Variants in DGAT1 observed in about 807,000 individuals in gnomAD.
DGAT1 encodes the protein ACAT related gene product 1.
A neutral mutation model predicts 72.6 loss-of-function variants in DGAT1; 60 were observed. That is an observed-to-expected ratio of 0.83 (90% confidence interval 0.67 to 1.02). DGAT1 has a LOEUF of 1.02. DGAT1 is among the 50% of genes least tolerant of loss of function. The probability of loss-of-function intolerance (pLI) is 0.00; values close to 1 mark genes in which losing one functional copy is unlikely to be tolerated. For synonymous variants in DGAT1, 290 were observed against 267.5 expected (o/e 1.08, Z -0.82); for missense variants, 592 against 670.0 (o/e 0.88, Z 1.29).
chr8:144,322,587 A>G (rs1386738814), intron 1 of DGAT1, among the ~76,000 whole-genome samples: 1 of 152,200 alleles, frequency 6.6e-6, no homozygotes, highest in Non-Finnish European at 1.5e-5. Flanking sequence ...GGCAATGCCA[A>G]CAAGCCCAAC....
chr8:144,317,149 G>A (rs782482222), intron 14 of DGAT1, 38 bp downstream of exon 14: 2 of 1,611,186 alleles, frequency 1.2e-6, no homozygotes, highest in Non-Finnish European at 8.5e-7. Context: ...CAGGTTCACA[G>A]CCATGTTCCA....
chr8:144,325,043 A>C (rs1416451074), intron 1 of DGAT1, among the ~76,000 whole-genome samples: 1 of 152,114 alleles, frequency 6.6e-6, no homozygotes, highest in African/African-American at 2.4e-5. Context: ...CAGCCTGGGC[A>C]ACAAGAGCAA....
At chr8:144,319,209 G>C in intron 2 of DGAT1, 141 bp from the exon 3 acceptor site, 1 of 931,440 alleles carries the variant, frequency 1.1e-6, no homozygotes, top group Non-Finnish European at 1.7e-6. Context: ...GCCCTGTCTG[G>C]TCTCCATGCC....
Position 144,314,890 on chromosome 8 carries a change from A to G in DGAT1, c.*1664T>C, listed in dbSNP as rs1298421136. 7 of 986,788 alleles carry G rather than the reference A, an allele frequency of 7.1e-6. No individual in the cohort carries two copies. In the African/African-American group the frequency reaches 1.0e-4, roughly 15 times the overall value. The allele number at this position is 986,788 out of a possible 1,614,324, so 61.1% of individuals were successfully genotyped here. A position where few individuals can be genotyped will look rare whatever the true frequency, so the allele number is the denominator to read the frequency against. ...CTCCCCAGGACCAGCATGTGCTTGC[A>G]GTTCTTTATTGAGGGACCAGGGGTG... On this transcript the variant is annotated 3_prime_UTR_variant, in exon 17 of 17. Coordinates refer to ENST00000528718, the MANE Select transcript of DGAT1 (RefSeq NM_012079.6).
intron 7 of DGAT1, 35 bp from the exon 8 acceptor site, chr8:144,318,204 G>A: frequency 6.2e-7 from 1 of 1,609,586 alleles, no homozygotes; most frequent in Non-Finnish European, 8.5e-7. Context: ...GGGCTGGTGG[G>A]GCCCTGCTGC....
In DGAT1 at chr8:144,314,934, TG is replaced by T. The variant is rs1269188294; in HGVS notation, c.*1619del. On this transcript the variant is annotated 3_prime_UTR_variant, in exon 17 of 17. Transcript: ENST00000528718. ...AGGGGTGGGCGCCTCACCTTGGCCCTGGGGGTCTCTGGTTGTCACAGGACCA... is the reference window on the plus strand; with the variant it reads ...AGGGGTGGGCGCCTCACCTTGGCCCTGGGGTCTCTGGTTGTCACAGGACCA... The T allele has an allele frequency of 1.2e-4, 117 of 985,846 alleles. 1 individual carries two copies. Among genetic ancestry groups the T allele is most frequent in the Non-Finnish European group, 1.4e-4 (113 of 830,388 alleles). 61.1% of individuals were successfully genotyped at this position (985,846 alleles called of 1,614,324 possible).
chr8:144,325,295 G>A (rs1350204817), intron 1 of DGAT1, among the ~76,000 whole-genome samples: 9 of 152,014 alleles, frequency 5.9e-5, no homozygotes, highest in Non-Finnish European at 1.3e-4. Context: ...CTCCGTGCCC[G>A]ACCTTTGTCC....
In DGAT1 at chr8:144,317,955, G is replaced by C; in HGVS notation, c.814C>G (p.Arg272Gly). 6.6e-7 allele frequency: 1 copy of C among 1,519,276 alleles called. No homozygotes were observed. The highest frequency in any genetic ancestry group is 8.8e-7 in the Non-Finnish European group (1 of 1,135,892). The allele number at this position is 1,519,276 out of a possible 1,614,324, so 94.1% of individuals were successfully genotyped here. A position where few individuals can be genotyped will look rare whatever the true frequency, so the allele number is the denominator to read the frequency against. The change falls in exon 9 of 17, where the codon CGC becomes GGC. Residue 272 changes from arginine (R) to glycine (G), a missense_variant. By Grantham distance (125) the Arg-to-Gly change is moderately radical. Transcript: ENST00000528718. ...CYELNFPRSP[R>G]IRKRFLLRRI... ...CGCAGCAGAAAGCGCTTCCGGATGC[G>C]GGGAGAGCGGGGAAAGTTGAGCTCG...
At chr8:144,318,614 G>C (rs911242402) in intron 5 of DGAT1, 48 bp from the exon 6 acceptor site, 7 of 1,605,706 alleles carry the variant, frequency 4.4e-6, no homozygotes, top group Admixed American at 1.7e-5. Context: ...TTGCCTGGGA[G>C]AGGGCTGCCA....
intron 1 of DGAT1, 25 bp downstream of exon 1, chr8:144,326,412 G>A (rs1817593252): frequency 5.8e-6 from 8 of 1,389,444 alleles, no homozygotes; most frequent in East Asian, 3.1e-5. Flanking sequence ...TGGGTCAGAG[G>A]TTAGGGGGTC....
Position 144,318,878 on chromosome 8 carries a change from G to A in DGAT1, c.372C>T (p.Phe124=), listed in dbSNP as rs1309182306. 4 of 1,610,196 alleles carry A rather than the reference G, an allele frequency of 2.5e-6. No homozygotes were observed. In the African/African-American group the frequency reaches 5.4e-5, roughly 22 times the overall value. The stretch of plus-strand genomic sequence containing the variant: ...CGGGCCAGCTATAGGGATCCTTCAG[G>A]AACAGAGAAACCACCTGGATGGGGT... The part of the protein sequence containing the change: ...LVDPIQVVSL[F]LKDPYSWPAP... The change falls in exon 4 of 17, where the codon TTC becomes TTT. Residue 124 remains phenylalanine (F), a synonymous_variant. Coordinates refer to ENST00000528718, the MANE Select transcript of DGAT1 (RefSeq NM_012079.6).
intron 1 of DGAT1, among the ~76,000 whole-genome samples, chr8:144,325,552 G>A (rs1401118340): frequency 1.3e-5 from 2 of 152,216 alleles, no homozygotes; most frequent in East Asian, 1.9e-4. Flanking sequence ...GAGGGCCCCT[G>A]GGCCAGGGTA....
chr8:144,322,461 C>A (rs1342345424), intron 1 of DGAT1, among the ~76,000 whole-genome samples: 1 of 152,144 alleles, frequency 6.6e-6, no homozygotes, highest in Non-Finnish European at 1.5e-5. Flanking sequence ...GCCTGAGAGC[C>A]ATGGCAGGAG....
chr8:144,317,715 G>A lies in DGAT1; in HGVS notation c.895-3C>T, dbSNP rs782369461. 22 of 1,613,640 alleles carry A rather than the reference G, an allele frequency of 1.4e-5. No individual in the cohort carries two copies. In the South Asian group the frequency reaches 2.1e-4, roughly 15 times the overall value. Reference sequence around the variant, plus strand: ...TTCTGGATGGTGGGGACCATCCACTGCAAAGGAGGGCACCACGTCAGCTCC... The same window carrying A: ...TTCTGGATGGTGGGGACCATCCACTACAAAGGAGGGCACCACGTCAGCTCC... On this transcript the variant is annotated splice_polypyrimidine_tract_variant and splice_region_variant and intron_variant, in intron 10 of 16. Coordinates refer to ENST00000528718, the MANE Select transcript of DGAT1 (RefSeq NM_012079.6).
intron 1 of DGAT1, 27 bp downstream of exon 1, chr8:144,326,410 A>G (rs545566040): frequency 1.4e-6 from 2 of 1,388,698 alleles, no homozygotes; most frequent in East Asian, 6.2e-5. Flanking sequence ...CTTGGGTCAG[A>G]GGTTAGGGGG....
chr8:144,326,819 G>A lies in DGAT1; in HGVS notation c.-183C>T, dbSNP rs1186773676. The A allele has an allele frequency of 1.5e-5, 5 of 330,814 alleles. No homozygotes were observed. Among genetic ancestry groups the A allele is most frequent in the Admixed American group, 5.6e-5 (1 of 17,854 alleles). 20.5% of individuals were successfully genotyped at this position (330,814 alleles called of 1,614,324 possible). ...CCCGCGTCGGGCCCGTCGGCCTCAA[G>A]GACAACGGCTGCGTTGCTCCGGAGC... is the stretch of plus-strand genomic sequence containing the variant. On this transcript the variant is annotated 5_prime_UTR_variant, in exon 1 of 17. Transcript: ENST00000528718.
Position 144,326,687 on chromosome 8 carries a change from A to T in DGAT1, c.-51T>A. On this transcript the variant is annotated 5_prime_UTR_variant, in exon 1 of 17. Coordinates refer to ENST00000528718, the MANE Select transcript of DGAT1 (RefSeq NM_012079.6). The stretch of plus-strand genomic sequence containing the variant: ...CCAAGCGTGGGCCCGCCGGGTTCGT[A>T]GCGCCCGAGGCGCGCGGCCCCACCT... 8.8e-7 allele frequency: 1 copy of T among 1,142,512 alleles called. No individual in the cohort carries two copies. Among genetic ancestry groups the T allele is most frequent in the Non-Finnish European group, 1.1e-6 (1 of 930,550 alleles). The allele number at this position is 1,142,512 out of a possible 1,614,324, so 70.8% of individuals were successfully genotyped here. A position where few individuals can be genotyped will look rare whatever the true frequency, so the allele number is the denominator to read the frequency against.
chr8:144,318,439 G>T, intron 6 of DGAT1, 22 bp downstream of exon 6: 1 of 1,609,746 alleles, frequency 6.2e-7, no homozygotes, highest in Non-Finnish European at 8.5e-7. Flanking sequence ...AGACAGATGG[G>T]CAGGGTGGGA....
intron 6 of DGAT1, 32 bp from the exon 7 acceptor site, chr8:144,318,394 C>G: frequency 6.2e-7 from 1 of 1,607,818 alleles, no homozygotes; most frequent in Non-Finnish European, 8.5e-7. Context: ...GCCTCCACAG[C>G]GCCACAGCCG....
Sources: allele counts gnomAD v4.1 joint callset (sites outside exome capture counted in the v4.1 genomes callset), GRCh38; gene constraint gnomAD v4.1.1; transcripts MANE v1.5; gene names NCBI Gene and HGNC (gene_info 2026-07-23, HGNC 2026-07-21).